RNF182: variants seen among roughly 807,000 people sequenced by gnomAD.
RNF182 encodes the protein E3 ubiquitin-protein ligase RNF182.
Under a neutral mutation model 14.4 loss-of-function variants are expected in RNF182, and 15 were observed. That is an observed-to-expected ratio of 1.04 (90% confidence interval 0.70 to 1.60). The LOEUF is 1.60. Among genes scored for constraint, RNF182 ranks in the 40% most tolerant of loss-of-function variants. RNF182 has a pLI of 0.00. For synonymous variants in RNF182, 128 were observed against 122.9 expected (o/e 1.04, Z -0.27); for missense variants, 268 against 294.8 (o/e 0.91, Z 0.67).
intron 1 of RNF182, among the ~76,000 whole-genome samples, chr6:13,958,300 C>T (rs149530937): frequency 0.022 from 3,319 of 152,002 alleles, 132 homozygotes; most frequent in African/African-American, 0.076. Context: ...GCAGGAGAAT[C>T]GCCTGAACCC....
chr6:13,949,171 C>T, intron 1 of RNF182: 2 of 798,690 alleles, frequency 2.5e-6, no homozygotes, highest in Non-Finnish European at 4.6e-6. Context: ...TTGGCATCTT[C>T]AGCCTACCAA....
At chr6:13,964,644 G>A (rs929318522) in intron 1 of RNF182, among the ~76,000 whole-genome samples, 4 of 152,146 alleles carry the variant, frequency 2.6e-5, no homozygotes, top group African/African-American at 9.7e-5. Context: ...GTGGGGAGCA[G>A]ATGGGGGATT....
In RNF182 at chr6:13,969,105, TTTGTTGTTGTTG is replaced by T. The variant is rs57502789; in HGVS notation, c.-366-5087_-366-5076del. 3.8e-4 allele frequency among the ~76,000 whole-genome samples: 58 copies of T among 151,170 alleles called. 1 individual carries two copies. Among genetic ancestry groups the T allele is most frequent in the African/African-American group, 9.9e-4 (41 of 41,262 alleles). ...GGTCTCATCAGGCTTGTCTCTGTTT[TTTGTTGTTGTTG>T]TTGTTGTTGTTGTTGTTTTACCTCT... On this transcript the variant is annotated intron_variant, in intron 1 of 2. Transcript: ENST00000488300.
At chr6:13,971,045 A>G (rs1760160676) in intron 1 of RNF182, among the ~76,000 whole-genome samples, 1 of 152,116 alleles carries the variant, frequency 6.6e-6, no homozygotes, top group Non-Finnish European at 1.5e-5. Flanking sequence ...AGAAGAGAGC[A>G]TTGTTAGCCA....
intron 2 of RNF182, among the ~76,000 whole-genome samples, chr6:13,975,731 G>T (rs1292611656): frequency 6.6e-6 from 1 of 152,180 alleles, no homozygotes. Flanking sequence ...TAAATGTCTA[G>T]CGCAGTTACT....
At chr6:13,939,857 G>A (rs1759244632) in intron 1 of RNF182, among the ~76,000 whole-genome samples, 4 of 152,154 alleles carry the variant, frequency 2.6e-5, no homozygotes, top group African/African-American at 9.7e-5. Context: ...ATGCATTTTT[G>A]TATCTTGACC....
At position 13,938,436 on chromosome 6, in the gene RNF182, A is replaced by G. The variant is rs148262596; in HGVS notation, c.-367+13413A>G. 1.3e-3 allele frequency among the ~76,000 whole-genome samples: 204 copies of G among 152,192 alleles called. 1 individual carries two copies. The highest frequency in any genetic ancestry group is 3.4e-3 in the Middle Eastern group (1 of 294). ...TGCTTTTAACTCTTATAATTTTTCA[A>G]TGAGAAGTGTTTAATTTTAATGAAC... On this transcript the variant is annotated intron_variant, in intron 1 of 2. Coordinates refer to ENST00000488300, the MANE Select transcript of RNF182 (RefSeq NM_152737.4).
chr6:13,950,173 A>G (rs1253549848), intron 1 of RNF182, among the ~76,000 whole-genome samples: 2 of 152,178 alleles, frequency 1.3e-5, no homozygotes, highest in Non-Finnish European at 1.5e-5. Context: ...ACTCGTAGCA[A>G]CTTTTATTTT....
At chr6:13,963,327 C>A (rs1230480329) in intron 1 of RNF182, among the ~76,000 whole-genome samples, 2 of 152,148 alleles carry the variant, frequency 1.3e-5, no homozygotes, top group Admixed American at 1.3e-4. Flanking sequence ...GAAATAATTT[C>A]TTTGGGCAGA....
intron 2 of RNF182, among the ~76,000 whole-genome samples, chr6:13,976,300 A>G (rs893937651): frequency 2.0e-5 from 3 of 152,202 alleles, no homozygotes; most frequent in African/African-American, 7.2e-5. Context: ...CAAGACTGGT[A>G]TTGAAACAAA....
upstream of RNF182, chr6:13,924,763 G>C (rs980918224): frequency 1.3e-5 from 2 of 152,080 alleles, no homozygotes; most frequent in Non-Finnish European, 2.9e-5. Flanking sequence ...GACTGAGAGA[G>C]GGGCGTGTTT....
intron 1 of RNF182, among the ~76,000 whole-genome samples, chr6:13,926,775 TTGTG>T (rs967148826): frequency 6.6e-5 from 10 of 150,488 alleles, no homozygotes; most frequent in African/African-American, 1.2e-4. Flanking sequence ...TTTTGTGTGT[TTGTG>T]TGTGTGTGTG....
chr6:13,935,893 T>C (rs1404919272), intron 1 of RNF182, among the ~76,000 whole-genome samples: 1 of 152,218 alleles, frequency 6.6e-6, no homozygotes, highest in Non-Finnish European at 1.5e-5. Context: ...AAGGAACTAC[T>C]TGAGAGTGGG....
intron 1 of RNF182, chr6:13,949,634 A>G (rs1275243185): frequency 2.8e-6 from 1 of 351,904 alleles, no homozygotes; most frequent in Non-Finnish European, 5.4e-6. Flanking sequence ...TCTTATCAGA[A>G]GTTATCATGA....
At chr6:13,926,345 A>G (rs767630181) in intron 1 of RNF182, among the ~76,000 whole-genome samples, 1 of 152,216 alleles carries the variant, frequency 6.6e-6, no homozygotes, top group Non-Finnish European at 1.5e-5. Flanking sequence ...GCAAAGAGTG[A>G]TTATTTAATA....
intron 1 of RNF182, among the ~76,000 whole-genome samples, chr6:13,960,267 A>G (rs1759834076): frequency 6.6e-6 from 1 of 152,206 alleles, no homozygotes; most frequent in South Asian, 2.1e-4. Flanking sequence ...CTTAATAGAT[A>G]TTAAGTAAAT....
chr6:13,969,338 A>G (rs1187067767), intron 1 of RNF182, among the ~76,000 whole-genome samples: 1 of 152,142 alleles, frequency 6.6e-6, no homozygotes, highest in Non-Finnish European at 1.5e-5. Context: ...GGTTTGGGTC[A>G]CATGCCCATT....
At position 13,978,231 on chromosome 6, in the gene RNF182, G is replaced by C. The variant is rs1336678094; in HGVS notation, c.*368G>C. On this transcript the variant is annotated 3_prime_UTR_variant, in exon 3 of 3. Coordinates refer to ENST00000488300, the MANE Select transcript of RNF182 (RefSeq NM_152737.4). ...CATGGATGTTCTATGATGGCAGTTG[G>C]ACACAAGAGGAAAGTTGCTCTGAGA... 5.3e-6 allele frequency: 1 copy of C among 190,214 alleles called. No individual in the cohort carries two copies. Among genetic ancestry groups the C allele is most frequent in the African/African-American group, 2.4e-5 (1 of 41,988 alleles). The allele number at this position is 190,214 out of a possible 1,614,324, so 11.8% of individuals were successfully genotyped here.
chr6:13,963,093 C>T (rs1325899091), intron 1 of RNF182, among the ~76,000 whole-genome samples: 1 of 152,066 alleles, frequency 6.6e-6, no homozygotes, highest in Non-Finnish European at 1.5e-5. Flanking sequence ...ATAATTTCCC[C>T]TTACTGTAGT....
Sources: gnomAD v4.1 joint callset for allele counts (sites outside exome capture counted in the v4.1 genomes callset) on GRCh38, gnomAD v4.1.1 for gene constraint, MANE v1.5 for transcripts, NCBI Gene and HGNC (gene_info 2026-07-23, HGNC 2026-07-21) for gene names.